Variants in PSMD1 observed in about 807,000 individuals in gnomAD.
PSMD1 encodes 26S proteasome non-ATPase regulatory subunit 1.
PSMD1 carries 18 observed loss-of-function variants against 119.0 expected under a neutral mutation model. That is an observed-to-expected ratio of 0.15 (90% CI 0.10 to 0.22). The LOEUF (loss-of-function observed/expected upper bound fraction) is 0.22. Among genes scored for constraint, PSMD1 ranks in the 10% least tolerant of loss-of-function variants. The pLI, the probability that PSMD1 is intolerant of heterozygous loss-of-function variation, is 1.00. For missense variants in PSMD1, 702 were observed against 1,158.5 expected, an observed-to-expected ratio of 0.61 and a Z score of 5.72; for synonymous variants, 374 against 396.6, an observed-to-expected ratio of 0.94 and a Z score of 0.68.
At chr2:231,141,445 C>T (rs1696111971) in intron 17 of PSMD1, among the ~76,000 whole-genome samples, 1 of 128,970 alleles carries the variant, frequency 7.8e-6, no homozygotes, top group African/African-American at 3.1e-5. Context: ...TTTTTTGAGA[C>T]AGTGTCTCAC....
intron 5 of PSMD1, among the ~76,000 whole-genome samples, chr2:231,068,509 T>A (rs953789367): frequency 1.3e-5 from 2 of 152,236 alleles, no homozygotes; most frequent in African/African-American, 4.8e-5. Flanking sequence ...CTCTGTGGTT[T>A]CAGTTACCTG....
Position 231,165,228 on chromosome 2 carries a change from C to T in PSMD1, c.2510C>T (p.Ala837Val). 1.9e-6 allele frequency: 3 copies of T among 1,606,792 alleles called. No individual in the cohort carries two copies. The highest frequency in any genetic ancestry group is 2.6e-6 in the Non-Finnish European group (3 of 1,175,746). The change falls in exon 22 of 25, where the codon GCC becomes GTC. Residue 837 changes from alanine (A) to valine (V), a missense_variant. Coordinates refer to ENST00000308696, the MANE Select transcript of PSMD1 (RefSeq NM_002807.4). ...TCTACTGCTGTATTATCTATAACTGCCAAGGCTAAAAAGAAGGAAAAAGAA... is the reference window on the plus strand; with the variant it reads ...TCTACTGCTGTATTATCTATAACTGTCAAGGCTAAAAAGAAGGAAAAAGAA... ...KVSTAVLSIT[A>V]KAKKKEKEKE... is the part of the protein sequence containing the mutation.
rs897685215 is a variant in PSMD1 at position 231,088,879 on chromosome 2, C to G, written c.1883+1698C>G. ...GCCAAGATAGACCAAAGGTAGGCCT[C>G]TTGCATCACAGATAGCCAAGTTGTG... On this transcript the variant is annotated intron_variant, in intron 16 of 24. Coordinates refer to ENST00000308696, the MANE Select transcript of PSMD1 (RefSeq NM_002807.4). Among the ~76,000 whole-genome samples, 18 of 152,320 alleles carry G rather than the reference C, an allele frequency of 1.2e-4. No individual in the cohort carries two copies. The Middle Eastern group carries it at 0.01, about 86-fold the overall frequency.
chr2:231,071,528 C>T (rs185994872), intron 6 of PSMD1, among the ~76,000 whole-genome samples: 110 of 152,136 alleles, frequency 7.2e-4, no homozygotes, highest in African/African-American at 2.5e-3. Flanking sequence ...AGTGTATGTA[C>T]TTTGCCCTAC....
intron 16 of PSMD1, among the ~76,000 whole-genome samples, chr2:231,088,887 A>C (rs1250775934): frequency 6.6e-6 from 1 of 152,242 alleles, no homozygotes; most frequent in African/African-American, 2.4e-5. Flanking sequence ...CTCTTGCATC[A>C]CAGATAGCCA....
chr2:231,170,531 T>C lies in PSMD1; in HGVS notation c.2716-35T>C, dbSNP rs201402001. The C allele has an allele frequency of 2.9e-5, 44 of 1,540,254 alleles. No individual in the cohort carries two copies. In the East Asian group the frequency reaches 8.0e-4, roughly 28 times the overall value. On this transcript the variant is annotated intron_variant, in intron 23 of 24. Coordinates refer to ENST00000308696, the MANE Select transcript of PSMD1 (RefSeq NM_002807.4). This position sits in a 1 kb window ranked among gnomAD's most constrained non-coding sequence, Gnocchi z 4.1. The stretch of plus-strand genomic sequence containing the variant: ...TAGATTGTGGAGCACGCTTGAAATA[T>C]GAGTGTACGCTTCTGCACGCCCCTG...
intron 1 of PSMD1, 44 bp downstream of exon 1, chr2:231,057,085 C>A: frequency 6.7e-7 from 1 of 1,483,174 alleles, no homozygotes; most frequent in South Asian, 1.3e-5. Context: ...GGAGCCGCCG[C>A]CGCGCCGGCT....
chr2:231,068,800 G>A (rs143732509), intron 5 of PSMD1, among the ~76,000 whole-genome samples: 77 of 152,220 alleles, frequency 5.1e-4, no homozygotes, highest in African/African-American at 1.8e-3. Context: ...CAAAAATAGT[G>A]ATGTTGGCAA....
At chr2:231,109,376 T>G in intron 16 of PSMD1, 1 of 1,614,130 alleles carries the variant, frequency 6.2e-7, no homozygotes, top group Non-Finnish European at 8.5e-7. Flanking sequence ...CACATCAGTC[T>G]CTATCCCTTT....
chr2:231,069,051 G>A (rs1013537933), intron 5 of PSMD1, among the ~76,000 whole-genome samples: 3 of 152,132 alleles, frequency 2.0e-5, no homozygotes, highest in African/African-American at 7.2e-5. Flanking sequence ...AGTCCTCTCA[G>A]ATAAAGGAGC....
At chr2:231,083,846 C>A in intron 14 of PSMD1, 83 bp downstream of exon 14, 1 of 1,344,954 alleles carries the variant, frequency 7.4e-7, no homozygotes, top group African/African-American at 1.4e-5. Flanking sequence ...AACTCTGTTC[C>A]CATCAGAACA....
chr2:231,103,951 C>G (rs1694925279), intron 16 of PSMD1, among the ~76,000 whole-genome samples: 1 of 152,084 alleles, frequency 6.6e-6, no homozygotes. Flanking sequence ...TCTGTCATGG[C>G]CATCCAGAGT....
chr2:231,165,810 ACTCAGTTC>A (rs1227874092), intron 22 of PSMD1, 53 bp from the exon 23 acceptor site: 12 of 1,380,516 alleles, frequency 8.7e-6, no homozygotes, highest in Non-Finnish European at 1.2e-5. Flanking sequence ...TTCAGATGTT[ACTCAGTTC>A]TGTGGAACAG....
At chr2:231,066,069 C>T (rs1693904198) in intron 4 of PSMD1, among the ~76,000 whole-genome samples, 1 of 152,130 alleles carries the variant, frequency 6.6e-6, no homozygotes, top group African/African-American at 2.4e-5. Context: ...TACCATAGAG[C>T]CTAGGTATGT....
At chr2:231,142,178 CG>C (rs1696139631) in intron 17 of PSMD1, among the ~76,000 whole-genome samples, 1 of 152,224 alleles carries the variant, frequency 6.6e-6, no homozygotes, top group East Asian at 1.9e-4. Flanking sequence ...CCACTGTGCC[CG>C]GCCAGTTTTT....
chr2:231,163,405 G>C, intron 20 of PSMD1: 1 of 435,714 alleles, frequency 2.3e-6, no homozygotes, highest in Middle Eastern at 5.9e-4. Context: ...TAAAGATAAA[G>C]GGATGCCCAT....
intron 16 of PSMD1, among the ~76,000 whole-genome samples, chr2:231,092,293 T>C (rs552906860): frequency 5.8e-4 from 88 of 152,146 alleles, no homozygotes; most frequent in Non-Finnish European, 1.2e-3. Flanking sequence ...ATATAATTAG[T>C]GACGCATGAG....
rs1342799148 is a variant in PSMD1, at chr2:231,078,645, A to G, written c.1072-14A>G. 1 of 1,591,616 alleles carries G rather than the reference A, an allele frequency of 6.3e-7. No homozygotes were observed. The highest frequency in any genetic ancestry group is 8.5e-7 in the Non-Finnish European group (1 of 1,170,602). On this transcript the variant is annotated splice_polypyrimidine_tract_variant and intron_variant, in intron 9 of 24. Transcript: ENST00000308696. ...TTTGCCAGTGATGAAACAATTCTGTATTTGTTGTTGCAGGATGCAGTACGG... is the reference window on the plus strand; with the variant it reads ...TTTGCCAGTGATGAAACAATTCTGTGTTTGTTGTTGCAGGATGCAGTACGG...
chr2:231,150,600 G>T (rs1190143874), intron 18 of PSMD1, among the ~76,000 whole-genome samples: 1 of 151,866 alleles, frequency 6.6e-6, no homozygotes, highest in Non-Finnish European at 1.5e-5. Context: ...TTCATATATT[G>T]TGCTACTTCA....
Sources: gnomAD v4.1 joint callset for allele counts (sites outside exome capture counted in the v4.1 genomes callset) on GRCh38, gnomAD v4.1.1 for gene constraint, Gnocchi (gnomAD v3.1) non-coding constraint, MANE v1.5 for transcripts, NCBI Gene and HGNC (gene_info 2026-07-23, HGNC 2026-07-21) for gene names.